UGT1A3: variants seen among roughly 807,000 people sequenced by gnomAD.
UGT1A3 encodes the protein UDP-glucuronosyltransferase 1A3.
A neutral mutation model predicts 41.0 loss-of-function variants in UGT1A3; 31 were observed. The observed-to-expected ratio is 0.76, with a 90% CI of 0.57 to 1.02. The LOEUF is 1.02. UGT1A3 is among the 50% of genes least tolerant of loss of function. UGT1A3 has a pLI of 0.00. For missense variants in UGT1A3, 737 were observed against 671.0 expected, an observed-to-expected ratio of 1.10 and a Z score of -1.09; for synonymous variants, 262 against 257.6, an observed-to-expected ratio of 1.02 and a Z score of -0.17.
At chr2:233,767,255 G>C in intron 2 of UGT1A3, 90 bp downstream of exon 2, 1 of 1,596,760 alleles carries the variant, frequency 6.3e-7, no homozygotes, top group Non-Finnish European at 8.5e-7. Flanking sequence ...CTCTTAATTG[G>C]AACCTTAGAT....
chr2:233,765,344 A>G (rs1008293425), intron 1 of UGT1A3, among the ~76,000 whole-genome samples: 8 of 152,240 alleles, frequency 5.3e-5, no homozygotes, highest in Non-Finnish European at 1.0e-4. Flanking sequence ...TAACAAAGTC[A>G]TGGAACCAAC....
At chr2:233,743,741 G>T (rs374389189) in intron 1 of UGT1A3, 6 of 1,367,230 alleles carry the variant, frequency 4.4e-6, no homozygotes, top group Non-Finnish European at 4.9e-6. Flanking sequence ...GCGTTTCTTG[G>T]CGTCCGACAA....
At chr2:233,743,056 A>G (rs955838724) in intron 1 of UGT1A3, 3 of 325,656 alleles carry the variant, frequency 9.2e-6, no homozygotes, top group African/African-American at 6.5e-5. Context: ...AGTCCCAACG[A>G]TAAGAACAGG....
chr2:233,740,602 C>T (rs1333865723), intron 1 of UGT1A3: 1 of 151,786 alleles, frequency 6.6e-6, no homozygotes, highest in Non-Finnish European at 1.5e-5. Context: ...TTACAGGTCT[C>T]CAGGTCTCTT....
In UGT1A3 at chr2:233,769,574, T is replaced by C. The variant is rs1345352154; in HGVS notation, c.1307+1135T>C. 4 of 1,612,752 alleles carry C rather than the reference T, an allele frequency of 2.5e-6. No individual in the cohort carries two copies. The highest frequency in any genetic ancestry group is 3.3e-5 in the Admixed American group (2 of 59,992). On this transcript the variant is annotated intron_variant, in intron 4 of 4. Transcript: ENST00000482026. The surrounding 1 kb of genome is among the most constrained non-coding windows in gnomAD (Gnocchi z 4.4). ...AAGACAGATGTGAAGAGCTGGAGCA[T>C]GTTCAGATGAGAGGAGACGGAACAC... is the stretch of plus-strand genomic sequence containing the variant.
intron 1 of UGT1A3, among the ~76,000 whole-genome samples, chr2:233,766,324 C>T (rs1363274147): frequency 2.0e-5 from 3 of 152,132 alleles, no homozygotes; most frequent in East Asian, 1.9e-4. Context: ...AGCCAAACTC[C>T]GCGTTGTTCT....
intron 1 of UGT1A3, among the ~76,000 whole-genome samples, chr2:233,739,443 A>C (rs965423718): frequency 3.9e-5 from 6 of 152,204 alleles, no homozygotes; most frequent in African/African-American, 7.2e-5. Flanking sequence ...TACCCTGCAA[A>C]GCCACAGGGT....
intron 1 of UGT1A3, among the ~76,000 whole-genome samples, chr2:233,762,822 C>T (rs1698173721): frequency 6.6e-6 from 1 of 150,904 alleles, no homozygotes; most frequent in African/African-American, 2.4e-5. Flanking sequence ...TATTGATTTT[C>T]ATAATAAAAA....
At chr2:233,771,009 A>G (rs1251253785) in intron 4 of UGT1A3, 3 of 152,198 alleles carry the variant, frequency 2.0e-5, no homozygotes, top group Non-Finnish European at 4.4e-5. Flanking sequence ...TGGCAAAAGC[A>G]GGAGCGAGAG....
intron 1 of UGT1A3, among the ~76,000 whole-genome samples, chr2:233,737,934 C>T (rs1461776263): frequency 1.3e-5 from 2 of 152,038 alleles, no homozygotes; most frequent in East Asian, 3.9e-4. Flanking sequence ...AGTAGTGAGT[C>T]CATTGACTGT....
At position 233,765,866 on chromosome 2, in the gene UGT1A3, G is replaced by A. The variant is rs1008092006; in HGVS notation, c.868-1168G>A. On this transcript the variant is annotated intron_variant, in intron 1 of 4. Transcript: ENST00000482026. ...TCCCCCTCACAGAGCATGTGACAGCGGGAGGGGCTCACTTTCTCAGTGCGC... is the reference window on the plus strand; with the variant it reads ...TCCCCCTCACAGAGCATGTGACAGCAGGAGGGGCTCACTTTCTCAGTGCGC... Among the ~76,000 whole-genome samples the A allele has an allele frequency of 3.3e-5, 5 of 152,054 alleles. No homozygotes were observed. The East Asian group carries it at 5.8e-4, about 18-fold the overall frequency.
chr2:233,753,865 C>T (rs560460253), intron 1 of UGT1A3, among the ~76,000 whole-genome samples: 1 of 152,330 alleles, frequency 6.6e-6, no homozygotes, highest in East Asian at 1.9e-4. Context: ...CACATAACCC[C>T]AAGGTCTGTC....
chr2:233,755,298 C>T (rs1354075673), intron 1 of UGT1A3: 3 of 620,036 alleles, frequency 4.8e-6, no homozygotes, highest in Non-Finnish European at 7.5e-6. Context: ...CTGCGGGGCA[C>T]TGGCACAGCG....
intron 1 of UGT1A3, chr2:233,755,670 G>A (rs1695987366): frequency 6.3e-6 from 1 of 158,018 alleles, no homozygotes. Flanking sequence ...AGAGGGTGGT[G>A]GGAGTGAGTT....
Position 233,729,309 on chromosome 2 carries a change from C to T in UGT1A3, c.183C>T (p.Leu61=). Residue 61 remains leucine (L), a synonymous_variant, in exon 1 of 5, where the codon CTC becomes CTT. Coordinates refer to ENST00000482026, the MANE Select transcript of UGT1A3 (RefSeq NM_019093.4). ...LHARGHQAVV[L]TPEVNMHIKE... ...CCAGAGGCCACCAGGCAGTGGTCCTCACCCCAGAGGTGAATATGCACATCA... is the reference window on the plus strand; with the variant it reads ...CCAGAGGCCACCAGGCAGTGGTCCTTACCCCAGAGGTGAATATGCACATCA... 3 of 1,614,256 alleles carry T rather than the reference C, an allele frequency of 1.9e-6. No individual in the cohort carries two copies. Among genetic ancestry groups the T allele is most frequent in the Non-Finnish European group, 2.5e-6 (3 of 1,180,046 alleles).
At chr2:233,761,816 G>C (rs374860940) in intron 1 of UGT1A3, among the ~76,000 whole-genome samples, 3 of 152,178 alleles carry the variant, frequency 2.0e-5, no homozygotes, top group Admixed American at 6.5e-5. Flanking sequence ...AACAGGAGAG[G>C]CTCCTTCAGA....
chr2:233,759,153 G>C (rs1244080154), intron 1 of UGT1A3, among the ~76,000 whole-genome samples: 1 of 152,246 alleles, frequency 6.6e-6, no homozygotes, highest in African/African-American at 2.4e-5. Flanking sequence ...GAGTTCCACA[G>C]AACACAAGGC....
At chr2:233,770,765 A>G (rs962602628) in intron 4 of UGT1A3, 1 of 152,230 alleles carries the variant, frequency 6.6e-6, no homozygotes, top group Non-Finnish European at 1.5e-5. Context: ...ATTACATTAT[A>G]ATAATGTTTC....
intron 1 of UGT1A3, chr2:233,760,907 T>A: frequency 6.2e-7 from 1 of 1,614,208 alleles, no homozygotes. Context: ...ATGACCTTCC[T>A]GCAGCGGGTG....
Sources: allele counts gnomAD v4.1 joint callset (sites outside exome capture counted in the v4.1 genomes callset), GRCh38; gene constraint gnomAD v4.1.1; non-coding constraint Gnocchi (gnomAD v3.1); transcripts MANE v1.5; gene names NCBI Gene and HGNC (gene_info 2026-07-23, HGNC 2026-07-21).